SH3BP5: variants seen among roughly 807,000 people sequenced by gnomAD.
SH3BP5 encodes the protein SH3 domain-binding protein 5.
A neutral mutation model predicts 43.3 loss-of-function variants in SH3BP5; 22 were observed. That is an observed-to-expected ratio of 0.51 (90% CI 0.36 to 0.73). SH3BP5 has a LOEUF of 0.73. Among genes scored for constraint, SH3BP5 ranks in the 30% least tolerant of loss-of-function variants. SH3BP5 has a pLI of 0.00. For missense variants in SH3BP5, 529 were observed against 586.9 expected, an observed-to-expected ratio of 0.90 and a Z score of 1.02; for synonymous variants, 255 against 225.8, an observed-to-expected ratio of 1.13 and a Z score of -1.16.
chr3:15,309,213 T>G (rs1400382612), intron 2 of SH3BP5, among the ~76,000 whole-genome samples: 1 of 152,178 alleles, frequency 6.6e-6, no homozygotes, highest in Non-Finnish European at 1.5e-5. Context: ...TAAAATACAT[T>G]AAACTAATAT....
intron 3 of SH3BP5, among the ~76,000 whole-genome samples, chr3:15,303,089 C>T (rs1344490234): frequency 1.3e-5 from 2 of 152,212 alleles, no homozygotes; most frequent in Non-Finnish European, 2.9e-5. Flanking sequence ...GCTGGGATTA[C>T]AGGTGTGAGC....
At chr3:15,325,107 A>G (rs141287823) in intron 2 of SH3BP5, among the ~76,000 whole-genome samples, 64 of 152,374 alleles carry the variant, frequency 4.2e-4, no homozygotes, top group South Asian at 8.3e-4. Flanking sequence ...TGATGAAAAC[A>G]TTACAAATTG....
At chr3:15,288,482 G>A (rs1265649759) in intron 3 of SH3BP5, among the ~76,000 whole-genome samples, 1 of 152,242 alleles carries the variant, frequency 6.6e-6, no homozygotes, top group African/African-American at 2.4e-5. Context: ...TTCAGGCCGG[G>A]GGCGGTGGCT....
chr3:15,290,429 G>A (rs1575315304), intron 3 of SH3BP5, among the ~76,000 whole-genome samples: 1 of 151,550 alleles, frequency 6.6e-6, no homozygotes, highest in African/African-American at 2.4e-5. Context: ...GGGAGGCTGA[G>A]GCAGGAGAAT....
intron 5 of SH3BP5, 63 bp from the exon 6 acceptor site, chr3:15,259,866 C>T: frequency 6.9e-7 from 1 of 1,440,678 alleles, no homozygotes; most frequent in Non-Finnish European, 9.8e-7. Context: ...GTCAACTCCA[C>T]AAGATGAACA....
intron 7 of SH3BP5, 150 bp downstream of exon 7, chr3:15,258,681 T>A: frequency 1.6e-6 from 1 of 630,548 alleles, no homozygotes; most frequent in Non-Finnish European, 2.8e-6. Flanking sequence ...GAACACAGTG[T>A]TCCATAAAAC....
intron 4 of SH3BP5, chr3:15,264,612 GGA>G (rs993509536): frequency 2.0e-5 from 3 of 152,252 alleles, no homozygotes; most frequent in African/African-American, 7.2e-5. Flanking sequence ...AAGAAAAATA[GGA>G]GAGAACTGAG....
In SH3BP5 at chr3:15,331,861, C is replaced by G. The variant is rs369501698; in HGVS notation, c.138+410G>C. The stretch of plus-strand genomic sequence containing the variant: ...GGGCAACGCCCACCCGCCCACGGTG[C>G]CCGGCGCCCACGCGGGCGACACCTC... On this transcript the variant is annotated intron_variant, in intron 1 of 8. Coordinates refer to ENST00000383791, the MANE Select transcript of SH3BP5 (RefSeq NM_004844.5). 1.3e-4 allele frequency: 22 copies of G among 174,752 alleles called. 1 individual carries two copies. In the East Asian group the frequency reaches 2.2e-3, roughly 17 times the overall value. 10.8% of individuals were successfully genotyped at this position (174,752 alleles called of 1,614,324 possible). A position where few individuals can be genotyped will look rare whatever the true frequency, so the allele number is the denominator to read the frequency against.
intron 2 of SH3BP5, 134 bp downstream of exon 2, chr3:15,330,370 T>A: frequency 1.4e-6 from 1 of 736,074 alleles, no homozygotes; most frequent in Non-Finnish European, 2.4e-6. Flanking sequence ...TTTTATTCTG[T>A]CAGGGAGCTG....
intron 3 of SH3BP5, among the ~76,000 whole-genome samples, chr3:15,287,989 T>C (rs1166540722): frequency 1.3e-5 from 2 of 152,206 alleles, no homozygotes; most frequent in Admixed American, 6.5e-5. Context: ...TATATAAGCA[T>C]TTATTATAAG....
upstream of SH3BP5, among the ~76,000 whole-genome samples, chr3:15,335,553 C>G (rs12485601): frequency 0.14 from 21,303 of 151,430 alleles, 1,583 homozygotes; most frequent in Middle Eastern, 0.21. Flanking sequence ...GCCTGGGTGA[C>G]AGAGGGAGAC....
Position 15,257,274 on chromosome 3 carries a change from C to T in SH3BP5, c.890-161G>A, listed in dbSNP as rs137952352. 119 of 697,082 alleles carry T rather than the reference C, an allele frequency of 1.7e-4. 1 individual carries two copies. Among genetic ancestry groups the T allele is most frequent in the African/African-American group, 1.7e-3 (93 of 56,020 alleles). The allele number at this position is 697,082 out of a possible 1,614,324, so 43.2% of individuals were successfully genotyped here. A position where few individuals can be genotyped will look rare whatever the true frequency, so the allele number is the denominator to read the frequency against. ...ATGTGACTTCCCAAGCCTGAATGAC[C>T]AGCCTCTAAAGCAGCTGGAAGGGAA... On this transcript the variant is annotated intron_variant, in intron 7 of 8. Coordinates refer to ENST00000383791, the MANE Select transcript of SH3BP5 (RefSeq NM_004844.5).
intron 3 of SH3BP5, among the ~76,000 whole-genome samples, chr3:15,277,979 C>G (rs928563356): frequency 6.6e-6 from 1 of 152,196 alleles, no homozygotes; most frequent in Non-Finnish European, 1.5e-5. Context: ...GAGCAGTGAC[C>G]CTGCAGGCAC....
rs190846367 is a variant in SH3BP5, at chr3:15,259,866, C to G, written c.627-63G>C. 9 of 1,440,678 alleles carry G rather than the reference C, an allele frequency of 6.2e-6. No homozygotes were observed. The East Asian group carries it at 1.4e-4, about 22-fold the overall frequency. The allele number at this position is 1,440,678 out of a possible 1,614,324, so 89.2% of individuals were successfully genotyped here. On this transcript the variant is annotated intron_variant, in intron 5 of 8. Transcript: ENST00000383791. The stretch of plus-strand genomic sequence containing the variant: ...AATACAGTGACCACAGTCAACTCCA[C>G]AAGATGAACAAGAGGCATCAGCTAC...
chr3:15,331,626 C>T (rs1324463610), intron 1 of SH3BP5, among the ~76,000 whole-genome samples: 1 of 152,234 alleles, frequency 6.6e-6, no homozygotes, highest in Non-Finnish European at 1.5e-5. Context: ...CTTTGCGCAT[C>T]AGTTGTCCCC....
chr3:15,317,051 G>A (rs956581359), intron 2 of SH3BP5, among the ~76,000 whole-genome samples: 5 of 152,164 alleles, frequency 3.3e-5, no homozygotes, highest in African/African-American at 9.7e-5. Context: ...CCATGTTTAC[G>A]CCAGGAGGCT....
chr3:15,270,183 C>A lies in SH3BP5; in HGVS notation c.331-306G>T, dbSNP rs111688921. Among the ~76,000 whole-genome samples, 21 of 152,320 alleles carry A rather than the reference C, an allele frequency of 1.4e-4. 1 individual carries two copies. The highest frequency in any genetic ancestry group is 5.1e-4 in the African/African-American group (21 of 41,580). ...CCATCGTGGGACAGGTACAGCCAAC[C>A]CCACAGCCTTTCTCAGAAGCTCTGC... On this transcript the variant is annotated intron_variant, in intron 3 of 8. Transcript: ENST00000383791.
At chr3:15,316,158 G>A (rs1698178114) in intron 2 of SH3BP5, among the ~76,000 whole-genome samples, 1 of 150,290 alleles carries the variant, frequency 6.7e-6, no homozygotes, top group East Asian at 1.9e-4. Flanking sequence ...GTCTTTCATA[G>A]CCTCAATTTT....
intron 3 of SH3BP5, among the ~76,000 whole-genome samples, chr3:15,289,789 G>T (rs762089508): frequency 6.6e-6 from 1 of 152,094 alleles, no homozygotes; most frequent in Non-Finnish European, 1.5e-5. Context: ...TACACCTCAT[G>T]ATTTCCTTCC....
Sources: gnomAD v4.1 joint callset for allele counts (sites outside exome capture counted in the v4.1 genomes callset) on GRCh38, gnomAD v4.1.1 for gene constraint, MANE v1.5 for transcripts, NCBI Gene and HGNC (gene_info 2026-07-23, HGNC 2026-07-21) for gene names.